Variants in USP24 observed in about 807,000 individuals in gnomAD.
USP24 encodes ubiquitin specific peptidase 24, also known as ubiquitin carboxyl-terminal hydrolase 24.
In USP24, 97 loss-of-function variants were observed where a neutral mutation model predicts 361.6. That is an observed-to-expected ratio of 0.27 (90% CI 0.23 to 0.32). The LOEUF (loss-of-function observed/expected upper bound fraction) is 0.32, where lower values mean the gene tolerates loss of function less well. USP24 is among the 10% of genes least tolerant of loss of function. The probability of loss-of-function intolerance (pLI) is 1.00; values close to 1 mark genes in which losing one functional copy is unlikely to be tolerated. For missense variants in USP24, 2,353 were observed against 3,165.6 expected (o/e 0.74, Z 6.16); for synonymous variants, 1,098 against 1,124.6 (o/e 0.98, Z 0.47).
chr1:55,182,702 C>A (rs1013016866), intron 1 of USP24, among the ~76,000 whole-genome samples: 9 of 151,874 alleles, frequency 5.9e-5, no homozygotes, highest in Non-Finnish European at 1.3e-4. Context: ...ATGAGAAAAC[C>A]CGAAATGAAA....
At chr1:55,152,432 C>T (rs764026529) in intron 16 of USP24, among the ~76,000 whole-genome samples, 7 of 152,126 alleles carry the variant, frequency 4.6e-5, no homozygotes, top group Non-Finnish European at 8.8e-5. Flanking sequence ...TGGTTTCAAA[C>T]GCCACTTCCC....
intron 1 of USP24, among the ~76,000 whole-genome samples, chr1:55,190,458 T>C (rs1644256954): frequency 6.6e-6 from 1 of 152,180 alleles, no homozygotes; most frequent in Non-Finnish European, 1.5e-5. Flanking sequence ...AAAAATTACA[T>C]ACTGACCAAG....
rs370049273 is a variant in USP24, at chr1:55,215,003, G to A, written c.111C>T (p.Ala37=). ...LRLAKNDINE[A]VALLTNERPG... is the part of the protein sequence containing the mutation. ...GCCGCTCGTTGGTGAGCAGTGCCAC[G>A]GCCTCGTTAATGTCGTTCTTGGCCA... is the stretch of plus-strand genomic sequence containing the variant. Residue 37 remains alanine (A), a synonymous_variant, in exon 1 of 68, where the codon GCC becomes GCT. Coordinates refer to ENST00000294383, the MANE Select transcript of USP24 (RefSeq NM_015306.3). The A allele has an allele frequency of 1.3e-4, 198 of 1,468,528 alleles. No individual in the cohort carries two copies. Among genetic ancestry groups the A allele is most frequent in the Non-Finnish European group, 1.7e-4 (187 of 1,109,070 alleles). The allele number at this position is 1,468,528 out of a possible 1,614,324, so 91.0% of individuals were successfully genotyped here. A position where few individuals can be genotyped will look rare whatever the true frequency, so the allele number is the denominator to read the frequency against.
intron 22 of USP24, 50 bp from the exon 23 acceptor site, chr1:55,142,845 T>A (rs1467908355): frequency 6.9e-7 from 1 of 1,447,482 alleles, no homozygotes; most frequent in South Asian, 1.3e-5. Flanking sequence ...TTAGTTGTAA[T>A]CATTATTCAG....
chr1:55,083,274 G>C lies in USP24; in HGVS notation c.6973C>G (p.Gln2325Glu). The C allele has an allele frequency of 3.7e-6, 6 of 1,613,610 alleles. No homozygotes were observed. The highest frequency in any genetic ancestry group is 5.1e-6 in the Non-Finnish European group (6 of 1,179,652). Residue 2325 changes from glutamine (Q) to glutamate (E), a missense_variant and splice_region_variant, in exon 58 of 68, where the codon CAG (glutamine) becomes GAG (glutamate). Physicochemically the swap from Gln to Glu is conservative, Grantham distance 29. Coordinates refer to ENST00000294383, the MANE Select transcript of USP24 (RefSeq NM_015306.3). ...FLLGASRQNN[Q>E]IRRWSSAQAR... ...AGGGATATAAAAGTAGTCCTTACCT[G>C]ATTGTTTTGCCGACTGGCCCCTAGG...
At chr1:55,162,144 T>G in intron 8 of USP24, 55 bp downstream of exon 8, 1 of 1,499,932 alleles carries the variant, frequency 6.7e-7, no homozygotes, top group South Asian at 1.3e-5. Flanking sequence ...AAAGAAGTTA[T>G]TACTGTTTGC....
In USP24 at chr1:55,067,193, G is replaced by A. The variant is rs1168499120; in HGVS notation, c.*1852C>T. On this transcript the variant is annotated 3_prime_UTR_variant, in exon 68 of 68. Transcript: ENST00000294383. ...TCCTGAGAGTGCAGTCGCCAGCGAT[G>A]ATATCCCAGTGTGGATCATCGCCAG... 1.3e-5 allele frequency: 2 copies of A among 152,168 alleles called. No individual in the cohort carries two copies. Among genetic ancestry groups the A allele is most frequent in the Non-Finnish European group, 2.9e-5 (2 of 68,032 alleles). The allele number at this position is 152,168 out of a possible 1,614,324, so 9.4% of individuals were successfully genotyped here. A position where few individuals can be genotyped will look rare whatever the true frequency, so the allele number is the denominator to read the frequency against.
intron 38 of USP24, among the ~76,000 whole-genome samples, chr1:55,116,349 AAG>A: frequency 6.7e-6 from 1 of 149,786 alleles, no homozygotes; most frequent in South Asian, 2.1e-4. Flanking sequence ...CAATACCAAA[AAG>A]AAAAAAAAAA....
At chr1:55,113,681 C>A (rs1035736490) in intron 38 of USP24, among the ~76,000 whole-genome samples, 6 of 152,246 alleles carry the variant, frequency 3.9e-5, no homozygotes, top group South Asian at 4.1e-4. Flanking sequence ...AGCTATCCAC[C>A]ACGATCAAGT....
At position 55,097,066 on chromosome 1, in the gene USP24, C is replaced by T. The variant is rs1310740514; in HGVS notation, c.5822G>A (p.Gly1941Glu). 1.9e-6 allele frequency: 3 copies of T among 1,613,782 alleles called. No individual in the cohort carries two copies. Among genetic ancestry groups the T allele is most frequent in the African/African-American group, 1.3e-5 (1 of 74,876 alleles). The change falls in exon 49 of 68, where the codon GGA becomes GAA. Residue 1941 changes from glycine to glutamate, a missense_variant. Coordinates refer to ENST00000294383, the MANE Select transcript of USP24 (RefSeq NM_015306.3). ...ENGRSVDQGG[G>E]GSPRKKVALT... ...GGCAACCTTTTTTCGTGGGGATCCT[C>T]CACCGCCCTGATCCACACTTCGCCC...
chr1:55,138,816 T>A, intron 25 of USP24, 98 bp from the exon 26 acceptor site: 1 of 1,326,330 alleles, frequency 7.5e-7, no homozygotes. Flanking sequence ...GATGCTTTTT[T>A]AAGAAAAGAG....
At chr1:55,212,409 A>C (rs1644867031) in intron 1 of USP24, among the ~76,000 whole-genome samples, 1 of 152,150 alleles carries the variant, frequency 6.6e-6, no homozygotes, top group African/African-American at 2.4e-5. Flanking sequence ...CCTGGGTTCA[A>C]ATTCAGCCCC....
chr1:55,209,034 T>C (rs143200552), intron 1 of USP24, among the ~76,000 whole-genome samples: 139 of 151,594 alleles, frequency 9.2e-4, no homozygotes, highest in African/African-American at 3.3e-3. Flanking sequence ...AAAAATGTGA[T>C]AACACTAAAC....
At chr1:55,118,465 T>C (rs1488378545) in intron 38 of USP24, among the ~76,000 whole-genome samples, 1 of 152,106 alleles carries the variant, frequency 6.6e-6, no homozygotes, top group Non-Finnish European at 1.5e-5. Flanking sequence ...TCAAAATGGA[T>C]GAAACACCTA....
chr1:55,151,403 TGTTTTGGTAAG>T (rs1647187134), intron 16 of USP24, among the ~76,000 whole-genome samples: 1 of 152,180 alleles, frequency 6.6e-6, no homozygotes, highest in South Asian at 2.1e-4. Flanking sequence ...TTCTGTTACG[TGTTTTGGTAAG>T]TAGAGGCAAC....
intron 1 of USP24, among the ~76,000 whole-genome samples, chr1:55,207,438 T>TA (rs1222866543): frequency 6.6e-6 from 1 of 152,196 alleles, no homozygotes; most frequent in Non-Finnish European, 1.5e-5. Flanking sequence ...AACCTACTGA[T>TA]ACAGGAGTTA....
At chr1:55,156,878 C>T in intron 12 of USP24, 70 bp downstream of exon 12, 1 of 1,091,936 alleles carries the variant, frequency 9.2e-7, no homozygotes, top group South Asian at 1.3e-5. Context: ...CCTGCTCTCT[C>T]ATCACCCTTT....
chr1:55,101,443 TA>T (rs3831145), intron 43 of USP24, 140 bp downstream of exon 43: 18,973 of 1,159,444 alleles, frequency 0.016, 819 homozygotes, highest in African/African-American at 0.15. Context: ...AACATGTCTT[TA>T]CACATTTCAG....
At chr1:55,159,061 A>G (rs1366468077) in intron 9 of USP24, 25 bp from the exon 10 acceptor site, 1 of 1,437,808 alleles carries the variant, frequency 7.0e-7, no homozygotes. Flanking sequence ...AAACAAAAAA[A>G]CAAAAAAGGA....
Sources: gnomAD v4.1 joint callset for allele counts (sites outside exome capture counted in the v4.1 genomes callset) on GRCh38, gnomAD v4.1.1 for gene constraint, MANE v1.5 for transcripts, NCBI Gene and HGNC (gene_info 2026-07-23, HGNC 2026-07-21) for gene names.